Variants in FAAH2 observed in about 807,000 individuals in gnomAD.
The protein encoded by FAAH2 is fatty acid amide hydrolase 2.
FAAH2 carries 60 observed loss-of-function variants against 36.9 expected under a neutral mutation model. That is an observed-to-expected ratio of 1.63 (90% CI 1.32 to 2.02). The LOEUF is 2.02. FAAH2 is among the 30% of genes most tolerant of loss of function. The pLI is 0.00. For synonymous variants in FAAH2, 214 were observed against 143.8 expected (o/e 1.49, Z -3.49); for missense variants, 689 against 397.5 (o/e 1.73, Z -6.23).
At chrX:57,239,542 G>A in the FAAH2 span, among the ~76,000 whole-genome samples, 1 of 109,865 alleles carries the variant, frequency 9.1e-6, no homozygotes, top group African/African-American at 3.3e-5. Context: ...TGGTCATCTT[G>A]CAGGGGTTCT....
At chrX:57,430,029 A>C (rs958524682) in intron 7 of FAAH2, among the ~76,000 whole-genome samples, 1 of 111,383 alleles carries the variant, frequency 9.0e-6, no homozygotes, top group African/African-American at 3.3e-5. Flanking sequence ...TGGAGACTCA[A>C]AAGGATGGGA....
intron 7 of FAAH2, among the ~76,000 whole-genome samples, chrX:57,390,839 A>T (rs2055149374): frequency 9.0e-6 from 1 of 111,575 alleles, no homozygotes; most frequent in South Asian, 3.7e-4. Flanking sequence ...TTGGTTAGAT[A>T]GTCAGGAGTG....
chrX:57,395,284 C>T, intron 7 of FAAH2: 1 of 654,250 alleles, frequency 1.5e-6, no homozygotes, highest in South Asian at 2.1e-5. Flanking sequence ...CTGTTGCCAA[C>T]CTGTAATATT....
intron 3 of FAAH2, among the ~76,000 whole-genome samples, chrX:57,321,094 G>A: frequency 9.1e-6 from 1 of 109,856 alleles, no homozygotes; most frequent in Non-Finnish European, 1.9e-5. Flanking sequence ...GAGCCCAGAT[G>A]GTGCCACTGC....
chrX:57,277,482 A>T, the FAAH2 span, among the ~76,000 whole-genome samples: 25 of 112,043 alleles, frequency 2.2e-4, no homozygotes, highest in Non-Finnish European at 1.9e-4. Flanking sequence ...GAATGGGCAA[A>T]CCTGGAAGCA....
the FAAH2 span, among the ~76,000 whole-genome samples, chrX:57,192,195 G>T: frequency 4.5e-5 from 5 of 110,878 alleles, no homozygotes; most frequent in East Asian, 1.4e-3. Flanking sequence ...CTTTGGTTAG[G>T]TTAATTTTAA....
intron 10 of FAAH2, among the ~76,000 whole-genome samples, chrX:57,459,110 T>C (rs2056913605): frequency 8.9e-6 from 1 of 112,550 alleles, no homozygotes; most frequent in Admixed American, 9.3e-5. Flanking sequence ...CACAGTACTC[T>C]GAAGTCAACC....
At chrX:57,164,337 A>T in the FAAH2 span, among the ~76,000 whole-genome samples, 125 of 112,274 alleles carry the variant, frequency 1.1e-3, no homozygotes, top group African/African-American at 3.8e-3. Flanking sequence ...TAATTCCCAA[A>T]AAAGGTACAT....
At chrX:57,246,139 T>C in the FAAH2 span, among the ~76,000 whole-genome samples, 1 of 111,726 alleles carries the variant, frequency 9.0e-6, no homozygotes, top group African/African-American at 3.3e-5. Context: ...AATGGATAAA[T>C]TCCTGGACAC....
intron 10 of FAAH2, among the ~76,000 whole-genome samples, chrX:57,463,519 T>C (rs184229622): frequency 1.8e-5 from 2 of 111,252 alleles, no homozygotes; most frequent in Non-Finnish European, 3.8e-5. Flanking sequence ...TCTATAACCA[T>C]CTGATCATCG....
chrX:57,465,044 T>C (rs1353164453), intron 10 of FAAH2, among the ~76,000 whole-genome samples: 2 of 111,541 alleles, frequency 1.8e-5, no homozygotes, highest in Admixed American at 9.6e-5. Flanking sequence ...ATTGAAGAGA[T>C]GAAAGTTATT....
At chrX:57,199,215 T>A in the FAAH2 span, among the ~76,000 whole-genome samples, 1 of 111,761 alleles carries the variant, frequency 8.9e-6, no homozygotes, top group Non-Finnish European at 1.9e-5. Flanking sequence ...GTTTTTCTTA[T>A]TTTTTATGTG....
chrX:57,378,533 C>G, intron 5 of FAAH2, 118 bp from the exon 6 acceptor site: 1 of 918,501 alleles, frequency 1.1e-6, no homozygotes, highest in East Asian at 3.2e-5. Context: ...ATAAGAAGAC[C>G]TGAAAAGTTT....
At chrX:57,457,998 A>G (rs1423330063) in intron 10 of FAAH2, among the ~76,000 whole-genome samples, 1 of 112,077 alleles carries the variant, frequency 8.9e-6, no homozygotes, top group Non-Finnish European at 1.9e-5. Context: ...AAGCAATATT[A>G]ATCAAAAAGA....
intron 7 of FAAH2, among the ~76,000 whole-genome samples, chrX:57,417,618 G>T (rs1404593915): frequency 9.0e-6 from 1 of 111,594 alleles, no homozygotes; most frequent in Non-Finnish European, 1.9e-5. Context: ...TCTCAGCGGG[G>T]CAACTTCCAG....
chrX:57,477,613 A>G (rs961648000), intron 10 of FAAH2, among the ~76,000 whole-genome samples: 5 of 108,808 alleles, frequency 4.6e-5, no homozygotes, highest in Non-Finnish European at 9.6e-5. Context: ...TGCATTAGGT[A>G]TATCTCCTAA....
chrX:57,128,005 A>G, the FAAH2 span, among the ~76,000 whole-genome samples: 6 of 112,118 alleles, frequency 5.4e-5, no homozygotes, highest in Non-Finnish European at 1.1e-4. Flanking sequence ...CATAAACACA[A>G]TGTATTCAAA....
At chrX:57,354,241 GA>G (rs2054103276) in intron 5 of FAAH2, among the ~76,000 whole-genome samples, 1 of 111,128 alleles carries the variant, frequency 9.0e-6, no homozygotes. Context: ...ATACACAATG[GA>G]ATACTATTCT....
the FAAH2 span, among the ~76,000 whole-genome samples, chrX:57,266,904 G>C: frequency 8.9e-6 from 1 of 112,542 alleles, no homozygotes; most frequent in Non-Finnish European, 1.9e-5. Context: ...GCTCCCACAA[G>C]AGGCTTTAGC....
Sources: allele counts gnomAD v4.1 joint callset (sites outside exome capture counted in the v4.1 genomes callset), GRCh38; gene constraint gnomAD v4.1.1; transcripts MANE v1.5; gene names NCBI Gene and HGNC (gene_info 2026-07-23, HGNC 2026-07-21).